EPM2A: variants seen among roughly 807,000 people sequenced by gnomAD.
The protein encoded by EPM2A is laforin.
In EPM2A, 21 loss-of-function variants were observed where a neutral mutation model predicts 26.5. The ratio of observed to expected loss-of-function variants is 0.79; its 90% CI spans 0.56 to 1.14. The LOEUF (loss-of-function observed/expected upper bound fraction) is 1.14, where lower values mean the gene tolerates loss of function less well. Ranked by LOEUF, EPM2A falls within the 50% of genes most tolerant of loss-of-function variation. The pLI, the probability that EPM2A is intolerant of heterozygous loss-of-function variation, is 0.00. For missense variants in EPM2A, 458 were observed against 440.8 expected (o/e 1.04, Z -0.35); for synonymous variants, 217 against 177.6 (o/e 1.22, Z -1.76).
At chr6:145,671,065 T>G in intron 2 of EPM2A, 1 of 985,188 alleles carries the variant, frequency 1.0e-6, no homozygotes, top group East Asian at 1.1e-4. Context: ...TGCCCAGTAA[T>G]GTCTTGACTG....
chr6:145,581,458 G>T (rs369085115), intron 2 of EPM2A, among the ~76,000 whole-genome samples: 1 of 151,780 alleles, frequency 6.6e-6, no homozygotes, highest in African/African-American at 2.4e-5. Flanking sequence ...GTATTTACTC[G>T]GTTGATAGTT....
At chr6:145,513,148 A>G (rs1246662600) in intron 2 of EPM2A, among the ~76,000 whole-genome samples, 1 of 152,148 alleles carries the variant, frequency 6.6e-6, no homozygotes, top group Non-Finnish European at 1.5e-5. Flanking sequence ...ATATTGACAA[A>G]TTATGCCTCC....
chr6:145,488,932 G>A (rs550787175), intron 4 of EPM2A, among the ~76,000 whole-genome samples: 104 of 152,188 alleles, frequency 6.8e-4, no homozygotes, highest in Admixed American at 7.2e-4. Flanking sequence ...TGTTATTATA[G>A]GCAAAAATAT....
intron 2 of EPM2A, among the ~76,000 whole-genome samples, chr6:145,547,960 C>T (rs534278066): frequency 3.9e-5 from 6 of 152,060 alleles, no homozygotes; most frequent in Admixed American, 1.3e-4. Flanking sequence ...ATCCTAGTAA[C>T]GACCCCAAAA....
chr6:145,555,938 G>A (rs2071391112), intron 2 of EPM2A, among the ~76,000 whole-genome samples: 2 of 152,116 alleles, frequency 1.3e-5, no homozygotes, highest in East Asian at 1.9e-4. Context: ...GCCTAGCAAA[G>A]AGGACAGCTC....
At chr6:145,555,021 C>A (rs919211811) in intron 2 of EPM2A, among the ~76,000 whole-genome samples, 3 of 152,060 alleles carry the variant, frequency 2.0e-5, no homozygotes, top group Non-Finnish European at 4.4e-5. Flanking sequence ...AAAATCTAAT[C>A]ATTTACATGT....
chr6:145,424,336 G>A (rs887160421), intron 4 of EPM2A, among the ~76,000 whole-genome samples: 1 of 152,236 alleles, frequency 6.6e-6, no homozygotes, highest in Non-Finnish European at 1.5e-5. Context: ...AACTGAAGGA[G>A]ATTAAGCTGG....
chr6:145,385,345 T>C lies in EPM2A; in HGVS notation c.556-1248A>G, dbSNP rs548257515. 3.7e-4 allele frequency among the ~76,000 whole-genome samples: 45 copies of C among 120,420 alleles called. 6 individuals are homozygous for C. Among genetic ancestry groups the C allele is most frequent in the African/African-American group, 1.3e-3 (42 of 32,014 alleles). 79.0% of individuals were successfully genotyped at this position (120,420 alleles called of 152,430 possible). ...TTGGTTTGGAATTTTGTAATTTAGT[T>C]CTTCCTTAAATATAAAGCTCATCTC... On this transcript the variant is annotated intron_variant, in intron 4 of 4. Coordinates refer to the EPM2A transcript ENST00000638717.
chr6:145,632,035 T>C (rs1776299386), intron 3 of EPM2A: 1 of 152,234 alleles, frequency 6.6e-6, no homozygotes, highest in Non-Finnish European at 1.5e-5. Context: ...ACTTAAAGAC[T>C]TGGAACTAAT....
intron 2 of EPM2A, among the ~76,000 whole-genome samples, chr6:145,515,004 C>T (rs1326358463): frequency 1.3e-5 from 2 of 152,182 alleles, no homozygotes; most frequent in Non-Finnish European, 2.9e-5. Context: ...GAAAGCTCTG[C>T]ACTAGCTGCC....
intron 1 of EPM2A, among the ~76,000 whole-genome samples, chr6:145,727,147 C>T (rs1437896578): frequency 6.6e-6 from 1 of 152,046 alleles, no homozygotes; most frequent in Non-Finnish European, 1.5e-5. Context: ...CAAATACTAT[C>T]AATAACTGTT....
At chr6:145,735,724 T>G, upstream of EPM2A, 1 of 856,874 alleles carries the variant, frequency 1.2e-6, no homozygotes, top group Non-Finnish European at 1.4e-6. Context: ...GCTGCCTCTT[T>G]GTGCCCCGCA....
chr6:145,554,578 A>G (rs560960252), intron 2 of EPM2A, among the ~76,000 whole-genome samples: 46 of 152,176 alleles, frequency 3.0e-4, no homozygotes, highest in Admixed American at 7.2e-4. Context: ...ACAGAAATTT[A>G]TTTAGCTCAT....
At position 145,559,794 on chromosome 6, in the gene EPM2A, A is replaced by G. The variant is rs1000582899; in HGVS notation, c.341-57219T>C. On this transcript the variant is annotated intron_variant, in intron 2 of 3. Transcript: ENST00000450221. ...CCTACCCTCCCCACCCTCCTAAATTATCTAAGACTGATTTCCCCAACAATT... is the reference window on the plus strand; with the variant it reads ...CCTACCCTCCCCACCCTCCTAAATTGTCTAAGACTGATTTCCCCAACAATT... 2.0e-5 allele frequency among the ~76,000 whole-genome samples: 3 copies of G among 151,254 alleles called. No homozygotes were observed. The Admixed American group carries it at 2.0e-4, about 10-fold the overall frequency.
At chr6:145,543,819 A>C (rs1264708630) in intron 2 of EPM2A, among the ~76,000 whole-genome samples, 1 of 152,076 alleles carries the variant, frequency 6.6e-6, no homozygotes, top group Non-Finnish European at 1.5e-5. Flanking sequence ...GATTTCCAAG[A>C]ACTGTGAAAG....
intron 4 of EPM2A, among the ~76,000 whole-genome samples, chr6:145,455,424 C>T (rs1484003234): frequency 6.6e-6 from 1 of 152,264 alleles, no homozygotes; most frequent in East Asian, 1.9e-4. Flanking sequence ...GTGGCGGGAT[C>T]TTGCCTCACT....
chr6:145,657,821 C>T lies in EPM2A; in HGVS notation c.477-22335G>A, dbSNP rs1262624658. Among the ~76,000 whole-genome samples the T allele has an allele frequency of 7.9e-5, 12 of 152,292 alleles. No individual in the cohort carries two copies. The East Asian group carries it at 2.3e-3, about 29-fold the overall frequency. ...AAAAATTATCATTTCACTTTTAAGA[C>T]AGTAGAAGATTTACAATCTCTGTCC... is the stretch of plus-strand genomic sequence containing the variant. On this transcript the variant is annotated intron_variant, in intron 2 of 3. Coordinates refer to ENST00000367519, the MANE Select transcript of EPM2A (RefSeq NM_005670.4).
intron 4 of EPM2A, among the ~76,000 whole-genome samples, chr6:145,400,740 T>A (rs984825565): frequency 6.6e-6 from 1 of 152,196 alleles, no homozygotes; most frequent in Non-Finnish European, 1.5e-5. Context: ...TATGTAAATA[T>A]TCATAGCTCC....
At chr6:145,479,476 CT>C (rs1779587037) in intron 4 of EPM2A, among the ~76,000 whole-genome samples, 1 of 151,764 alleles carries the variant, frequency 6.6e-6, no homozygotes, top group Admixed American at 6.6e-5. Context: ...TACTTTATGT[CT>C]GTACAAATTT....
Sources: gnomAD v4.1 joint callset for allele counts (sites outside exome capture counted in the v4.1 genomes callset) on GRCh38, gnomAD v4.1.1 for gene constraint, MANE v1.5 for transcripts, NCBI Gene and HGNC (gene_info 2026-07-23, HGNC 2026-07-21) for gene names.